GASK1A: variants seen among roughly 807,000 people sequenced by gnomAD.
The protein encoded by GASK1A is Golgi-associated kinase 1A.
In GASK1A, 40 loss-of-function variants were observed where a neutral mutation model predicts 41.2. The ratio of observed to expected loss-of-function variants is 0.97; its 90% CI spans 0.75 to 1.27. GASK1A has a LOEUF of 1.27. GASK1A is among the 50% of genes most tolerant of loss of function. GASK1A has a pLI of 0.00. For synonymous variants in GASK1A, 316 were observed against 307.1 expected (o/e 1.03, Z -0.30); for missense variants, 678 against 745.1 (o/e 0.91, Z 1.05).
intron 1 of GASK1A, among the ~76,000 whole-genome samples, chr3:43,029,652 A>T (rs1387458445): frequency 6.6e-6 from 1 of 152,040 alleles, no homozygotes; most frequent in Admixed American, 6.5e-5. Flanking sequence ...TCAGTGCACC[A>T]CTCATGGAGG....
intron 2 of GASK1A, chr3:43,037,422 GA>G: frequency 1.1e-6 from 1 of 898,198 alleles, no homozygotes; most frequent in Admixed American, 2.0e-5. Context: ...AGCTGCTCTG[GA>G]GGCAGCTGTC....
chr3:43,039,542 T>C (rs1232488651), intron 2 of GASK1A, among the ~76,000 whole-genome samples: 1 of 152,190 alleles, frequency 6.6e-6, no homozygotes, highest in Non-Finnish European at 1.5e-5. Flanking sequence ...ACTTGTATGT[T>C]CAGGGGTACA....
chr3:43,055,656 G>T, intron 4 of GASK1A, 121 bp downstream of exon 4: 1 of 723,174 alleles, frequency 1.4e-6, no homozygotes, highest in Non-Finnish European at 2.4e-6. Context: ...AGAAGTTATT[G>T]GATCAGAACT....
chr3:43,039,414 G>A (rs1380013509), intron 2 of GASK1A, among the ~76,000 whole-genome samples: 1 of 152,108 alleles, frequency 6.6e-6, no homozygotes, highest in African/African-American at 2.4e-5. Flanking sequence ...TTTTGGCCAG[G>A]CTGGTCTTGA....
intron 2 of GASK1A, among the ~76,000 whole-genome samples, chr3:43,051,970 C>A (rs1196187800): frequency 1.3e-5 from 2 of 152,174 alleles, no homozygotes; most frequent in African/African-American, 4.8e-5. Context: ...TAGGTCTTCC[C>A]CACACCAGGC....
At chr3:43,014,082 C>T (rs1487996461) in intron 1 of GASK1A, among the ~76,000 whole-genome samples, 2 of 146,946 alleles carry the variant, frequency 1.4e-5, no homozygotes, top group Non-Finnish European at 3.0e-5. Context: ...CTGTGTGAAG[C>T]CACAGGAAGG....
intron 1 of GASK1A, among the ~76,000 whole-genome samples, chr3:43,009,692 A>G (rs1378062122): frequency 6.6e-6 from 1 of 152,218 alleles, no homozygotes; most frequent in Non-Finnish European, 1.5e-5. Context: ...TCTAGCCATA[A>G]CAGTGAAAAA....
At chr3:43,018,512 T>A (rs1380655283) in intron 1 of GASK1A, among the ~76,000 whole-genome samples, 2 of 152,152 alleles carry the variant, frequency 1.3e-5, no homozygotes, top group African/African-American at 4.8e-5. Flanking sequence ...AGCCTTAGAC[T>A]AATTTAAGGA....
chr3:43,017,223 T>C (rs1483261731), intron 1 of GASK1A, among the ~76,000 whole-genome samples: 14 of 131,886 alleles, frequency 1.1e-4, no homozygotes, highest in African/African-American at 3.9e-4. Flanking sequence ...CAGGGAGGGA[T>C]AGTGTGAAAT....
chr3:43,003,865 T>G (rs1290292211), intron 1 of GASK1A, among the ~76,000 whole-genome samples: 2 of 152,204 alleles, frequency 1.3e-5, no homozygotes, highest in Non-Finnish European at 2.9e-5. Flanking sequence ...CCAGTAAAGG[T>G]GTATGACCAA....
chr3:43,013,841 G>A (rs1205009859), intron 1 of GASK1A, among the ~76,000 whole-genome samples: 7 of 147,882 alleles, frequency 4.7e-5, no homozygotes, highest in Non-Finnish European at 1.1e-4. Context: ...CAGAGGAAGT[G>A]GCAGTGTGAG....
intron 1 of GASK1A, among the ~76,000 whole-genome samples, chr3:43,007,976 G>A (rs1369396710): frequency 2.0e-5 from 3 of 152,180 alleles, no homozygotes; most frequent in Admixed American, 6.5e-5. Flanking sequence ...CCAGCTCTCC[G>A]GGTTTGCTTG....
At chr3:42,998,319 C>T (rs1421230000) in intron 1 of GASK1A, among the ~76,000 whole-genome samples, 2 of 152,054 alleles carry the variant, frequency 1.3e-5, no homozygotes, top group African/African-American at 2.4e-5. Flanking sequence ...GCAGGGCAAG[C>T]GATGCAGACG....
At chr3:43,009,520 A>C (rs570305845) in intron 1 of GASK1A, among the ~76,000 whole-genome samples, 2 of 152,228 alleles carry the variant, frequency 1.3e-5, no homozygotes, top group East Asian at 3.8e-4. Flanking sequence ...TGGTCTCTGC[A>C]GGCTGGAGGC....
chr3:42,988,183 A>G (rs938084942), intron 1 of GASK1A, among the ~76,000 whole-genome samples: 1 of 151,986 alleles, frequency 6.6e-6, no homozygotes, highest in African/African-American at 2.4e-5. Context: ...GAGAGTGGGT[A>G]GGGGCTGTGG....
Position 43,056,489 on chromosome 3 carries a change from C to A in GASK1A, c.*103C>A. ...TGGGAAAAGCCAGAAGCCAGAGGGGCACAAGGATGTCACGGGATATTTCAC... is the reference window on the plus strand; with the variant it reads ...TGGGAAAAGCCAGAAGCCAGAGGGGAACAAGGATGTCACGGGATATTTCAC... On this transcript the variant is annotated 3_prime_UTR_variant, in exon 5 of 5. Coordinates refer to ENST00000430121, the MANE Select transcript of GASK1A (RefSeq NM_001129908.3). 1.9e-6 allele frequency: 2 copies of A among 1,028,434 alleles called. No individual in the cohort carries two copies. The highest frequency in any genetic ancestry group is 2.8e-6 in the Non-Finnish European group (2 of 720,888). 63.7% of individuals were successfully genotyped at this position (1,028,434 alleles called of 1,614,324 possible).
chr3:42,993,659 G>A (rs1190469178), intron 1 of GASK1A, among the ~76,000 whole-genome samples: 1 of 151,626 alleles, frequency 6.6e-6, no homozygotes. Flanking sequence ...AATGTGATCT[G>A]TGTCTGGGGG....
At chr3:43,019,363 C>A (rs1450255223) in intron 1 of GASK1A, among the ~76,000 whole-genome samples, 1 of 152,162 alleles carries the variant, frequency 6.6e-6, no homozygotes, top group East Asian at 1.9e-4. Context: ...CCCAGCATAT[C>A]TGACTGGAGA....
intron 1 of GASK1A, among the ~76,000 whole-genome samples, chr3:42,990,812 T>G (rs1053937337): frequency 5.9e-5 from 9 of 152,186 alleles, no homozygotes; most frequent in African/African-American, 1.9e-4. Context: ...TCACTCTTTT[T>G]TATTAATGAG....
Sources: allele counts gnomAD v4.1 joint callset (sites outside exome capture counted in the v4.1 genomes callset), GRCh38; gene constraint gnomAD v4.1.1; transcripts MANE v1.5; gene names NCBI Gene and HGNC (gene_info 2026-07-23, HGNC 2026-07-21).